Variants in CLSTN2 observed in about 807,000 individuals in gnomAD.
CLSTN2 encodes the protein calsyntenin 2.
CLSTN2 carries 48 observed loss-of-function variants against 101.2 expected under a neutral mutation model. The ratio of observed to expected loss-of-function variants is 0.47; its 90% confidence interval spans 0.38 to 0.60. CLSTN2 has a LOEUF of 0.60. Among genes scored for constraint, CLSTN2 ranks in the 20% least tolerant of loss-of-function variants. The pLI is 0.00. For missense variants in CLSTN2, 1,160 were observed against 1,238.2 expected (o/e 0.94, Z 0.95); for synonymous variants, 481 against 463.6 (o/e 1.04, Z -0.48).
chr3:140,407,803 G>T (rs1197031155), intron 4 of CLSTN2, among the ~76,000 whole-genome samples: 3 of 152,176 alleles, frequency 2.0e-5, no homozygotes, highest in African/African-American at 4.8e-5. Context: ...TAAAGAGCTA[G>T]CCTAATAACA....
chr3:140,219,383 A>G (rs1222641251), intron 2 of CLSTN2, among the ~76,000 whole-genome samples: 1 of 152,080 alleles, frequency 6.6e-6, no homozygotes, highest in African/African-American at 2.4e-5. Flanking sequence ...TTTTAATTAA[A>G]GCCCAGGGCT....
At chr3:140,248,419 A>G (rs2086534653) in intron 2 of CLSTN2, among the ~76,000 whole-genome samples, 1 of 152,190 alleles carries the variant, frequency 6.6e-6, no homozygotes, top group African/African-American at 2.4e-5. Flanking sequence ...GGGCAGCACT[A>G]GAGGAGGCTA....
chr3:140,098,151 G>T (rs539696091), intron 1 of CLSTN2, among the ~76,000 whole-genome samples: 1 of 152,208 alleles, frequency 6.6e-6, no homozygotes, highest in South Asian at 2.1e-4. Context: ...TATGCAAGCA[G>T]GAGAGCTAAT....
rs75700308 is a variant in CLSTN2, at chr3:140,094,667, C to T, written c.110-81284C>T. ...GTGCCTAAATTAAACAGCTAGGGTG[C>T]TGTGCAATACTAATAGTGTATCCTT... On this transcript the variant is annotated intron_variant, in intron 1 of 16. Coordinates refer to ENST00000458420, the MANE Select transcript of CLSTN2 (RefSeq NM_022131.3). Among the ~76,000 whole-genome samples the T allele has an allele frequency of 3.9e-4, 59 of 152,258 alleles. 1 individual carries two copies. The East Asian group carries it at 9.9e-3, about 25-fold the overall frequency.
At chr3:139,980,553 T>A (rs1284219215) in intron 1 of CLSTN2, among the ~76,000 whole-genome samples, 1 of 152,168 alleles carries the variant, frequency 6.6e-6, no homozygotes, top group Non-Finnish European at 1.5e-5. Flanking sequence ...GTCCTTTATG[T>A]GTTTGTCTCT....
At chr3:140,342,021 T>C (rs572225534) in intron 2 of CLSTN2, among the ~76,000 whole-genome samples, 2 of 152,248 alleles carry the variant, frequency 1.3e-5, no homozygotes, top group East Asian at 3.9e-4. Flanking sequence ...TTATTTAACA[T>C]CTGAAAGAGA....
intron 1 of CLSTN2, among the ~76,000 whole-genome samples, chr3:140,118,994 A>C (rs764828187): frequency 6.6e-6 from 1 of 152,178 alleles, no homozygotes; most frequent in African/African-American, 2.4e-5. Context: ...ACCCAACAAC[A>C]TAGCAGAGCA....
intron 2 of CLSTN2, among the ~76,000 whole-genome samples, chr3:140,286,568 A>G (rs999999070): frequency 1.3e-5 from 2 of 152,206 alleles, no homozygotes; most frequent in Admixed American, 6.5e-5. Context: ...AGTGTCTACC[A>G]TAGATACGAT....
At chr3:140,440,970 C>A (rs1465145285) in intron 5 of CLSTN2, among the ~76,000 whole-genome samples, 1 of 152,176 alleles carries the variant, frequency 6.6e-6, no homozygotes, top group Non-Finnish European at 1.5e-5. Flanking sequence ...CAAGATGGGG[C>A]GCTTCTGAGC....
chr3:140,203,117 T>G (rs1034337276), intron 2 of CLSTN2, among the ~76,000 whole-genome samples: 5 of 152,166 alleles, frequency 3.3e-5, no homozygotes, highest in African/African-American at 1.2e-4. Context: ...GCAAGAAACC[T>G]TTATTATTTT....
chr3:140,028,395 C>T (rs1207329055), intron 1 of CLSTN2, among the ~76,000 whole-genome samples: 1 of 152,108 alleles, frequency 6.6e-6, no homozygotes. Context: ...ACAGATACTC[C>T]CAAACACCAG....
chr3:140,494,306 A>G (rs943949405), intron 8 of CLSTN2, among the ~76,000 whole-genome samples: 9 of 152,210 alleles, frequency 5.9e-5, no homozygotes, highest in African/African-American at 1.7e-4. Flanking sequence ...GTTCTCCTTC[A>G]CAATAAAGAT....
At chr3:140,196,687 A>G (rs1277919633) in intron 2 of CLSTN2, among the ~76,000 whole-genome samples, 4 of 152,214 alleles carry the variant, frequency 2.6e-5, no homozygotes, top group African/African-American at 9.6e-5. Context: ...GGCAGCCAGA[A>G]CAGACAAAGC....
intron 1 of CLSTN2, among the ~76,000 whole-genome samples, chr3:139,963,239 T>C (rs1005055878): frequency 1.3e-5 from 2 of 152,124 alleles, no homozygotes; most frequent in African/African-American, 4.8e-5. Context: ...ACTTTTGCTC[T>C]ACATACCTCC....
At chr3:140,111,158 A>G (rs1560097984) in intron 1 of CLSTN2, among the ~76,000 whole-genome samples, 1 of 152,174 alleles carries the variant, frequency 6.6e-6, no homozygotes, top group South Asian at 2.1e-4. Context: ...GACAGTCTGC[A>G]GTAGTCCTGT....
intron 8 of CLSTN2, among the ~76,000 whole-genome samples, chr3:140,469,496 C>A (rs1454909702): frequency 6.6e-6 from 1 of 152,090 alleles, no homozygotes; most frequent in African/African-American, 2.4e-5. Context: ...CACTTGATGC[C>A]CAGAATGTGC....
chr3:140,539,191 G>T (rs1289264304), intron 9 of CLSTN2, among the ~76,000 whole-genome samples: 1 of 151,876 alleles, frequency 6.6e-6, no homozygotes, highest in Non-Finnish European at 1.5e-5. Context: ...ACAACTTCAG[G>T]ATCTATAGAA....
intron 2 of CLSTN2, among the ~76,000 whole-genome samples, chr3:140,348,149 C>T (rs2087568237): frequency 6.6e-6 from 1 of 152,118 alleles, no homozygotes; most frequent in African/African-American, 2.4e-5. Context: ...TGTTCTTTCC[C>T]CACTCTGGAA....
chr3:140,244,787 T>A (rs2086500748), intron 2 of CLSTN2, among the ~76,000 whole-genome samples: 1 of 152,238 alleles, frequency 6.6e-6, no homozygotes, highest in South Asian at 2.1e-4. Context: ...TAATATCTTA[T>A]TAAGTTTGTA....
Sources: allele counts gnomAD v4.1 joint callset (sites outside exome capture counted in the v4.1 genomes callset), GRCh38; gene constraint gnomAD v4.1.1; transcripts MANE v1.5; gene names NCBI Gene and HGNC (gene_info 2026-07-23, HGNC 2026-07-21).